Variants in CLASP2 observed in about 807,000 individuals in gnomAD.
CLASP2 encodes cytoplasmic linker associated protein 2.
CLASP2 carries 47 observed loss-of-function variants against 194.4 expected under a neutral mutation model. That is an observed-to-expected ratio of 0.24 (90% CI 0.19 to 0.31). The LOEUF is 0.31. Among genes scored for constraint, CLASP2 ranks in the 10% least tolerant of loss-of-function variants. The pLI is 1.00. For missense variants in CLASP2, 1,445 were observed against 1,823.6 expected, an observed-to-expected ratio of 0.79 and a Z score of 3.78; for synonymous variants, 619 against 633.5, an observed-to-expected ratio of 0.98 and a Z score of 0.34.
chr3:33,673,171 A>C (rs2087723022), intron 6 of CLASP2, among the ~76,000 whole-genome samples: 1 of 152,208 alleles, frequency 6.6e-6, no homozygotes, highest in Non-Finnish European at 1.5e-5. Context: ...TGAAGGAAAA[A>C]ATGTTAAGGG....
At position 33,592,449 on chromosome 3, in the gene CLASP2, C is replaced by A. The variant is rs770174015; in HGVS notation, c.2014G>T (p.Ala672Ser). ...LSAPLAGMGN[A>S]KADSRGRSRT... ...CTTCTTCCTCTAGAATCTGCCTTGG[C>A]ATTTCCCATGCCAGCAAGTGGTGCT... The change falls in exon 21 of 39, where the codon GCC (alanine) becomes TCC (serine). Residue 672 changes from alanine to serine, a missense_variant. Ala to Ser is a moderately conservative substitution (Grantham distance 99). Coordinates refer to ENST00000682230, the MANE Select transcript of CLASP2 (RefSeq NM_001365631.1). The A allele has an allele frequency of 6.2e-7, 1 of 1,613,826 alleles. No individual in the cohort carries two copies. Among genetic ancestry groups the A allele is most frequent in the African/African-American group, 1.3e-5 (1 of 75,064 alleles).
At chr3:33,513,121 C>A (rs1006949698) in intron 36 of CLASP2, among the ~76,000 whole-genome samples, 31 of 152,114 alleles carry the variant, frequency 2.0e-4, no homozygotes, top group African/African-American at 7.5e-4. Flanking sequence ...ATGCTACAGG[C>A]CTTATTTGGG....
intron 6 of CLASP2, among the ~76,000 whole-genome samples, chr3:33,671,813 C>G (rs2087285077): frequency 6.6e-6 from 1 of 152,184 alleles, no homozygotes; most frequent in African/African-American, 2.4e-5. Flanking sequence ...CTCGGAGGGT[C>G]CTACGCCCAC....
chr3:33,712,733 C>T (rs539718899), intron 1 of CLASP2, among the ~76,000 whole-genome samples: 2 of 152,118 alleles, frequency 1.3e-5, no homozygotes, highest in African/African-American at 4.8e-5. Context: ...GAGGCCAAGG[C>T]GGGTGGATCA....
rs950229536 is a variant in CLASP2 at position 33,496,487 on chromosome 3, T to C, written c.*2144A>G. 1 of 152,206 alleles carries C rather than the reference T, an allele frequency of 6.6e-6. No individual in the cohort carries two copies. Among genetic ancestry groups the C allele is most frequent in the Non-Finnish European group, 1.5e-5 (1 of 68,028 alleles). 9.4% of individuals were successfully genotyped at this position (152,206 alleles called of 1,614,324 possible). A position where few individuals can be genotyped will look rare whatever the true frequency, so the allele number is the denominator to read the frequency against. On this transcript the variant is annotated 3_prime_UTR_variant, in exon 39 of 39. Transcript: ENST00000682230. ...AGTCTTATCAACTGAGATTATAAAA[T>C]TGTAAACACAATTTTTCCATGTTTA...
In CLASP2 at chr3:33,522,792, C is replaced by T. The variant is rs573225600; in HGVS notation, c.3788-5618G>A. ...CTGAAATAAAAAATCCAATAGTGGC[C>T]GGGCGCAGTGGCTCACGCCTGTAAT... On this transcript the variant is annotated intron_variant, in intron 34 of 38. Coordinates refer to ENST00000682230, the MANE Select transcript of CLASP2 (RefSeq NM_001365631.1). Among the ~76,000 whole-genome samples the T allele has an allele frequency of 1.1e-4, 17 of 152,236 alleles. No individual in the cohort carries two copies. In the South Asian group the frequency reaches 1.2e-3, roughly 11 times the overall value.
rs776348001 is a variant in CLASP2, at chr3:33,603,000, C to T, written c.1876G>A (p.Gly626Arg). The T allele has an allele frequency of 1.2e-5, 20 of 1,610,278 alleles. No individual in the cohort carries two copies. The highest frequency in any genetic ancestry group is 1.3e-5 in the African/African-American group (1 of 74,868). ...TTCAGGGCACCTGCACCTAAGCGCC[C>T]GCTTCGCACAGACTGTCCAGCAGCA... ...HHAAGQSVRS[G>R]RLGAGALNAG... The change falls in exon 18 of 39, where the codon GGG becomes AGG. Residue 626 changes from glycine (G) to arginine (R), a missense_variant. Physicochemically the swap from Gly to Arg is moderately radical, Grantham distance 125 (BLOSUM62 -2). Transcript: ENST00000682230.
At chr3:33,625,533 T>A (rs7643593) in intron 10 of CLASP2, among the ~76,000 whole-genome samples, 148,950 of 148,952 alleles carry the variant, frequency 1, 74,474 homozygotes, top group Middle Eastern at 1. Context: ...AAAGCAAGTT[T>A]CTAAGTAATG....
rs1190248729 is a variant in CLASP2, at chr3:33,592,471, T to A, written c.1992A>T (p.Ala664=). Residue 664 remains alanine, a synonymous_variant, in exon 21 of 39, where the codon GCA becomes GCT. Transcript: ENST00000682230. The part of the protein sequence containing the change: ...EDGRVRAKLS[A]PLAGMGNAKA... ...TGGCATTTCCCATGCCAGCAAGTGG[T>A]GCTGAAAGTTTTGCTCTCACCCGGC... 6.2e-7 allele frequency: 1 copy of A among 1,613,638 alleles called. No homozygotes were observed. Among genetic ancestry groups the A allele is most frequent in the East Asian group, 2.2e-5 (1 of 44,872 alleles).
chr3:33,578,790 T>C (rs140280944), intron 23 of CLASP2, among the ~76,000 whole-genome samples: 114 of 152,304 alleles, frequency 7.5e-4, no homozygotes, highest in African/African-American at 2.6e-3. Flanking sequence ...AGATAATAGG[T>C]GTCTGAAATA....
chr3:33,692,597 C>G (rs2091472298), intron 2 of CLASP2, among the ~76,000 whole-genome samples: 1 of 152,166 alleles, frequency 6.6e-6, no homozygotes, highest in African/African-American at 2.4e-5. Flanking sequence ...ATTCCCTGAA[C>G]TTCAAAGTTT....
At chr3:33,554,902 A>G (rs1391321943) in intron 29 of CLASP2, 1 of 152,430 alleles carries the variant, frequency 6.6e-6, no homozygotes, top group Non-Finnish European at 1.5e-5. Flanking sequence ...TGAATGACCT[A>G]GAAGTTTGTA....
At chr3:33,519,727 G>A (rs1473474781) in intron 34 of CLASP2, among the ~76,000 whole-genome samples, 1 of 151,980 alleles carries the variant, frequency 6.6e-6, no homozygotes, top group Non-Finnish European at 1.5e-5. Context: ...TTGTACTACA[G>A]TAGTTTAACT....
At chr3:33,708,546 A>ATATATGTATATATATATGTATATATG (rs1559703915) in intron 1 of CLASP2, among the ~76,000 whole-genome samples, 91 of 2,880 alleles carry the variant, frequency 0.032, no homozygotes, top group East Asian at 0.071. Context: ...GTATATATGT[A>ATATATGTATATATATATGTATATATG]TATATATATA....
At position 33,696,883 on chromosome 3, in the gene CLASP2, T is replaced by A; in HGVS notation, c.246A>T (p.Ser82=). Reference sequence around the variant, plus strand: ...TTGCTACATAGGATTTAAAGCGTGTTGATAATCTGTCCACAAAGGCACTTA... The same window carrying A: ...TTGCTACATAGGATTTAAAGCGTGTAGATAATCTGTCCACAAAGGCACTTA... ...EILSAFVDRL[S]TRFKSYVAMV... The change falls in exon 2 of 39, where the codon TCA becomes TCT. Residue 82 remains serine, a synonymous_variant. Coordinates refer to ENST00000682230, the MANE Select transcript of CLASP2 (RefSeq NM_001365631.1). 1 of 1,596,572 alleles carries A rather than the reference T, an allele frequency of 6.3e-7. No individual in the cohort carries two copies. The highest frequency in any genetic ancestry group is 8.5e-7 in the Non-Finnish European group (1 of 1,169,826).
At position 33,696,928 on chromosome 3, in the gene CLASP2, T is replaced by C. The variant is rs1242145064; in HGVS notation, c.201A>G (p.Ser67=). 6.4e-7 allele frequency: 1 copy of C among 1,563,680 alleles called. No homozygotes were observed. The highest frequency in any genetic ancestry group is 1.8e-5 in the Admixed American group (1 of 56,668). Reference sequence around the variant, plus strand: ...CACTTAAAATTTCCAATCCCATTAATGATACCTACAGATAAAAAGGGATTT... The same window carrying C: ...CACTTAAAATTTCCAATCCCATTAACGATACCTACAGATAAAAAGGGATTT... ...GWVGSSNYRV[S]LMGLEILSAF... is the part of the protein sequence containing the mutation. The change falls in exon 2 of 39, where the codon TCA becomes TCG. Residue 67 remains serine (S), a synonymous_variant. Transcript: ENST00000682230.
At chr3:33,585,692 T>G (rs1009894401) in intron 21 of CLASP2, among the ~76,000 whole-genome samples, 5 of 152,178 alleles carry the variant, frequency 3.3e-5, no homozygotes, top group Non-Finnish European at 7.4e-5. Flanking sequence ...CAATGTACAC[T>G]GTACCCAATA....
chr3:33,559,385 T>C lies in CLASP2; in HGVS notation c.2931A>G (p.Arg977=), dbSNP rs1316390873. The C allele has an allele frequency of 6.3e-7, 1 of 1,578,164 alleles. No homozygotes were observed. The highest frequency in any genetic ancestry group is 1.3e-5 in the African/African-American group (1 of 74,390). Residue 977 remains arginine, a splice_region_variant and synonymous_variant, in exon 29 of 39, where the codon AGA becomes AGG. Transcript: ENST00000682230. ...AKVQKALDVT[R]ESFPNDLQFN... ...ACTGAAGATCATTTGGAAAAGACTC[T>C]CTGAAACAAGAACAAAGCAAAACGA...
In CLASP2 at chr3:33,509,781, T is replaced by A. The variant is rs544161084; in HGVS notation, c.4317+777A>T. Among the ~76,000 whole-genome samples, 3 of 152,336 alleles carry A rather than the reference T, an allele frequency of 2.0e-5. No homozygotes were observed. In the South Asian group the frequency reaches 6.2e-4, roughly 32 times the overall value. On this transcript the variant is annotated intron_variant, in intron 37 of 38. Coordinates refer to ENST00000682230, the MANE Select transcript of CLASP2 (RefSeq NM_001365631.1). ...GTTTTAAAGCATGTTATAAAACACA[T>A]CTCATTTTTGTTAAAATGTTTCTAT... is the stretch of plus-strand genomic sequence containing the variant.
Sources: allele counts gnomAD v4.1 joint callset (sites outside exome capture counted in the v4.1 genomes callset), GRCh38; gene constraint gnomAD v4.1.1; transcripts MANE v1.5; gene names NCBI Gene and HGNC (gene_info 2026-07-23, HGNC 2026-07-21).